ELAPOR1: variants seen among roughly 807,000 people sequenced by gnomAD.
ELAPOR1 encodes the protein endosome/lysosome-associated apoptosis and autophagy regulator 1.
ELAPOR1 carries 77 observed loss-of-function variants against 119.7 expected under a neutral mutation model. The ratio of observed to expected loss-of-function variants is 0.64; its 90% CI spans 0.54 to 0.78. The LOEUF (loss-of-function observed/expected upper bound fraction) is 0.78, where lower values mean the gene tolerates loss of function less well. Ranked by LOEUF, ELAPOR1 falls within the 30% of genes least tolerant of loss-of-function variation. The probability of loss-of-function intolerance (pLI) is 0.00; values close to 1 mark genes in which losing one functional copy is unlikely to be tolerated. For synonymous variants in ELAPOR1, 481 were observed against 487.2 expected (o/e 0.99, Z 0.17); for missense variants, 1,115 against 1,270.4 (o/e 0.88, Z 1.86).
In ELAPOR1 at chr1:109,188,328, C is replaced by A. The variant is rs201608988; in HGVS notation, c.1193C>A (p.Pro398Gln). 6.2e-7 allele frequency: 1 copy of A among 1,613,876 alleles called. No homozygotes were observed. Among genetic ancestry groups the A allele is most frequent in the Non-Finnish European group, 8.5e-7 (1 of 1,179,768 alleles). Reference sequence around the variant, plus strand: ...AACAACAGCACCTGCCAGCCCTGCCCATATGGTTCCTACTCCAATGGCTCA... The same window carrying A: ...AACAACAGCACCTGCCAGCCCTGCCAATATGGTTCCTACTCCAATGGCTCA... ...KTNNSTCQPC[P>Q]YGSYSNGSDC... Residue 398 changes from proline to glutamine, a missense_variant, in exon 9 of 22, where the codon CCA (proline) becomes CAA (glutamine). By Grantham distance (76) the Pro-to-Gln change is moderately conservative (BLOSUM62 -1). Coordinates refer to ENST00000369939, the MANE Select transcript of ELAPOR1 (RefSeq NM_020775.5).
intron 1 of ELAPOR1, among the ~76,000 whole-genome samples, chr1:109,157,534 A>G (rs1326377469): frequency 6.6e-6 from 1 of 151,838 alleles, no homozygotes; most frequent in Non-Finnish European, 1.5e-5. Context: ...TTCACCCTCC[A>G]CTCATGCCCT....
At chr1:109,167,840 C>A (rs1174402085) in intron 3 of ELAPOR1, among the ~76,000 whole-genome samples, 2 of 152,138 alleles carry the variant, frequency 1.3e-5, no homozygotes. Flanking sequence ...AACTCCTGGG[C>A]TCAAATGATC....
intron 1 of ELAPOR1, among the ~76,000 whole-genome samples, chr1:109,137,340 A>G (rs1649537118): frequency 6.8e-6 from 1 of 147,980 alleles, no homozygotes; most frequent in Admixed American, 6.8e-5. Flanking sequence ...AGTAGCTGGG[A>G]CTACAGGCAT....
At chr1:109,182,037 A>G (rs897622409) in intron 7 of ELAPOR1, among the ~76,000 whole-genome samples, 4 of 152,188 alleles carry the variant, frequency 2.6e-5, no homozygotes, top group African/African-American at 9.7e-5. Context: ...ACTCCCAAAT[A>G]AAAATAATTC....
At chr1:109,187,389 G>T (rs1451640484) in intron 8 of ELAPOR1, 11 of 985,868 alleles carry the variant, frequency 1.1e-5, no homozygotes, top group African/African-American at 1.7e-5. Context: ...AGTTAAGGCA[G>T]TCTGTGTCCC....
intron 9 of ELAPOR1, 84 bp downstream of exon 9, chr1:109,188,438 C>T: frequency 7.0e-7 from 1 of 1,432,588 alleles, no homozygotes; most frequent in Non-Finnish European, 9.5e-7. Context: ...CAGCTGAATG[C>T]AGACTCTGCC....
chr1:109,144,712 A>G (rs1650072619), intron 1 of ELAPOR1, among the ~76,000 whole-genome samples: 1 of 152,212 alleles, frequency 6.6e-6, no homozygotes, highest in African/African-American at 2.4e-5. Context: ...ACTACACTCC[A>G]GCCTGGGCAA....
At chr1:109,174,606 C>T (rs1652148337) in intron 7 of ELAPOR1, among the ~76,000 whole-genome samples, 2 of 151,332 alleles carry the variant, frequency 1.3e-5, no homozygotes. Context: ...ATAGATGATA[C>T]ATATATAATA....
chr1:109,160,289 A>G (rs1651162864), intron 1 of ELAPOR1, among the ~76,000 whole-genome samples: 1 of 151,820 alleles, frequency 6.6e-6, no homozygotes, highest in African/African-American at 2.4e-5. Context: ...CCTGGGTGAC[A>G]GAGCAAGAGA....
intron 1 of ELAPOR1, among the ~76,000 whole-genome samples, chr1:109,120,426 T>TAAAATA (rs1325270029): frequency 7.0e-6 from 1 of 143,104 alleles, no homozygotes; most frequent in African/African-American, 2.6e-5. Flanking sequence ...TAAAATAAAA[T>TAAAATA]AAATACAAGA....
At chr1:109,157,705 A>G (rs1021257646) in intron 1 of ELAPOR1, among the ~76,000 whole-genome samples, 20 of 152,038 alleles carry the variant, frequency 1.3e-4, no homozygotes, top group African/African-American at 4.3e-4. Context: ...TAATTTGCCT[A>G]TTTACTTAGG....
chr1:109,191,475 C>A lies in ELAPOR1; in HGVS notation c.1545+4C>A, dbSNP rs760926880. The A allele has an allele frequency of 6.2e-7, 1 of 1,612,112 alleles. No individual in the cohort carries two copies. The highest frequency in any genetic ancestry group is 8.5e-7 in the Non-Finnish European group (1 of 1,178,150). ...CTGTGAGCTCTACTTCATGGTGGTA[C>A]GTTTTCCTTTCTTTGCCCGCTAGAG... On this transcript the variant is annotated splice_donor_region_variant and intron_variant, in intron 12 of 21. Coordinates refer to ENST00000369939, the MANE Select transcript of ELAPOR1 (RefSeq NM_020775.5).
chr1:109,126,199 G>C (rs965305961), intron 1 of ELAPOR1, among the ~76,000 whole-genome samples: 2 of 152,202 alleles, frequency 1.3e-5, no homozygotes, highest in African/African-American at 4.8e-5. Flanking sequence ...TGAGGAGTGA[G>C]TTTAAGCATG....
At chr1:109,125,801 C>G (rs1489216645) in intron 1 of ELAPOR1, among the ~76,000 whole-genome samples, 1 of 152,240 alleles carries the variant, frequency 6.6e-6, no homozygotes, top group Admixed American at 6.5e-5. Context: ...ACCACCACTA[C>G]AGCAAGATGA....
At chr1:109,200,990 G>T in intron 21 of ELAPOR1, 90 bp downstream of exon 21, 4 of 1,274,074 alleles carry the variant, frequency 3.1e-6, no homozygotes, top group South Asian at 1.4e-5. Flanking sequence ...TACCGTTCAG[G>T]GATGGGCACC....
chr1:109,164,680 G>C lies in ELAPOR1; in HGVS notation c.456G>C (p.Gly152=). The C allele has an allele frequency of 1.2e-6, 2 of 1,613,796 alleles. No homozygotes were observed. Among genetic ancestry groups the C allele is most frequent in the Non-Finnish European group, 1.7e-6 (2 of 1,179,770 alleles). ...ATGACAGTGCTGCTGAGTCCACCGG[G>C]AACTGTACTTCGTGAGTCTGCACAC... ...ELDDSAAEST[G]NCTSSKWVPR... Residue 152 remains glycine, a synonymous_variant, in exon 3 of 22, where the codon GGG becomes GGC. Transcript: ENST00000369939.
chr1:109,163,226 T>C lies in ELAPOR1; in HGVS notation c.274+1212T>C, dbSNP rs550893210. ...GGTAGAGGCAACACAGAGAAGGTGA[T>C]GGATGGAGTTGAGGTGAAAAAAGAT... On this transcript the variant is annotated intron_variant, in intron 2 of 21. Coordinates refer to ENST00000369939, the MANE Select transcript of ELAPOR1 (RefSeq NM_020775.5). Among the ~76,000 whole-genome samples, 39 of 151,992 alleles carry C rather than the reference T, an allele frequency of 2.6e-4. No individual in the cohort carries two copies. In the South Asian group the frequency reaches 7.7e-3, roughly 30 times the overall value.
In ELAPOR1 at chr1:109,203,198, C is replaced by T. The variant is rs1306889869; in HGVS notation, c.*186C>T. 4 of 554,502 alleles carry T rather than the reference C, an allele frequency of 7.2e-6. No homozygotes were observed. Among genetic ancestry groups the T allele is most frequent in the Admixed American group, 4.0e-5 (1 of 25,208 alleles). The allele number at this position is 554,502 out of a possible 1,614,324, so 34.3% of individuals were successfully genotyped here. A position where few individuals can be genotyped will look rare whatever the true frequency, so the allele number is the denominator to read the frequency against. On this transcript the variant is annotated 3_prime_UTR_variant, in exon 22 of 22. Transcript: ENST00000369939. ...AACCCTCCTTTCTGCTTGCCTCAAA[C>T]CTGCCAAATATACCCACACTTTGTT...
chr1:109,151,821 A>G (rs1179081305), intron 1 of ELAPOR1, among the ~76,000 whole-genome samples: 1 of 149,172 alleles, frequency 6.7e-6, no homozygotes, highest in African/African-American at 2.5e-5. Context: ...CTACCTATTG[A>G]CTCTGCTATA....
Sources: gnomAD v4.1 joint callset for allele counts (sites outside exome capture counted in the v4.1 genomes callset) on GRCh38, gnomAD v4.1.1 for gene constraint, MANE v1.5 for transcripts, NCBI Gene and HGNC (gene_info 2026-07-23, HGNC 2026-07-21) for gene names.